Variants in SCARB2 observed in about 807,000 individuals in gnomAD.
SCARB2 encodes lysosome membrane protein 2.
SCARB2 carries 29 observed loss-of-function variants against 58.6 expected under a neutral mutation model. That is an observed-to-expected ratio of 0.49 (90% CI 0.37 to 0.67). The LOEUF (loss-of-function observed/expected upper bound fraction) is 0.67, where lower values mean the gene tolerates loss of function less well. SCARB2 is among the 30% of genes least tolerant of loss of function. SCARB2 has a pLI of 0.00. For missense variants in SCARB2, 488 were observed against 578.5 expected (o/e 0.84, Z 1.60); for synonymous variants, 195 against 210.1 (o/e 0.93, Z 0.62).
At chr4:76,199,545 G>A (rs930861910) in intron 1 of SCARB2, among the ~76,000 whole-genome samples, 3 of 152,180 alleles carry the variant, frequency 2.0e-5, no homozygotes, top group East Asian at 1.9e-4. Context: ...GGACTGAACC[G>A]AAATATCACA....
At chr4:76,187,601 A>C (rs998522936) in intron 2 of SCARB2, among the ~76,000 whole-genome samples, 3 of 152,208 alleles carry the variant, frequency 2.0e-5, no homozygotes, top group Non-Finnish European at 4.4e-5. Flanking sequence ...TAGGTGAATA[A>C]AAAATATGTA....
intron 1 of SCARB2, among the ~76,000 whole-genome samples, chr4:76,204,549 A>C (rs1732892248): frequency 6.6e-6 from 1 of 152,232 alleles, no homozygotes; most frequent in Non-Finnish European, 1.5e-5. Flanking sequence ...TTACAAATGT[A>C]CAGCCAAGTT....
chr4:76,232,692 T>G (rs900203682), intron 1 of SCARB2, among the ~76,000 whole-genome samples: 1 of 152,216 alleles, frequency 6.6e-6, no homozygotes, highest in Non-Finnish European at 1.5e-5. Context: ...CCTAGACATG[T>G]CAAATCATCT....
At chr4:76,219,110 C>T (rs868237973) in intron 1 of SCARB2, among the ~76,000 whole-genome samples, 1 of 152,058 alleles carries the variant, frequency 6.6e-6, no homozygotes, top group East Asian at 1.9e-4. Context: ...GACTTCTGGC[C>T]TCATGCTTAT....
intron 1 of SCARB2, among the ~76,000 whole-genome samples, chr4:76,224,684 T>C (rs1456888813): frequency 6.6e-6 from 1 of 152,214 alleles, no homozygotes; most frequent in East Asian, 1.9e-4. Flanking sequence ...CAGGTCAGTC[T>C]TCCAAGTAAC....
chr4:76,183,271 A>C (rs1374527125), intron 2 of SCARB2, among the ~76,000 whole-genome samples: 2 of 152,158 alleles, frequency 1.3e-5, no homozygotes, highest in Non-Finnish European at 2.9e-5. Context: ...AATTCAATTC[A>C]ATTCTGATAC....
At position 76,228,458 on chromosome 4, in the gene SCARB2, G is replaced by A. The variant is rs536478529; in HGVS notation, c.-358+5845C>T. Among the ~76,000 whole-genome samples, 363 of 150,968 alleles carry A rather than the reference G, an allele frequency of 2.4e-3. 2 individuals carry two copies. Among genetic ancestry groups the A allele is most frequent in the African/African-American group, 8.2e-3 (338 of 41,176 alleles). On this transcript the variant is annotated intron_variant, in intron 1 of 11. Coordinates refer to the SCARB2 transcript ENST00000638295. Reference sequence around the variant, plus strand: ...TGTGCCACTGCACTCCAGCCTGGGCGATGGAGTAAGCCTCCATCTTAAAAA... The same window carrying A: ...TGTGCCACTGCACTCCAGCCTGGGCAATGGAGTAAGCCTCCATCTTAAAAA...
chr4:76,225,960 T>A (rs1055049407), intron 1 of SCARB2, among the ~76,000 whole-genome samples: 25 of 152,308 alleles, frequency 1.6e-4, no homozygotes, highest in African/African-American at 5.5e-4. Flanking sequence ...TTCAGTGAAA[T>A]TGGTACCAAT....
chr4:76,213,329 T>C, intron 1 of SCARB2, 98 bp downstream of exon 1: 2 of 835,882 alleles, frequency 2.4e-6, no homozygotes, highest in East Asian at 2.6e-5. Context: ...GCGGAGGGTC[T>C]GCCTGAGTGC....
intron 1 of SCARB2, among the ~76,000 whole-genome samples, chr4:76,201,230 C>G (rs567623061): frequency 6.6e-6 from 1 of 152,308 alleles, no homozygotes; most frequent in East Asian, 1.9e-4. Flanking sequence ...TTCACTTCTA[C>G]TTGGGCTTCA....
chr4:76,201,785 T>C (rs17001639), intron 1 of SCARB2, among the ~76,000 whole-genome samples: 1,865 of 152,352 alleles, frequency 0.012, 42 homozygotes, highest in African/African-American at 0.042. Flanking sequence ...TAGTTCTAAG[T>C]CTGTTAGATC....
intron 10 of SCARB2, chr4:76,164,563 A>T (rs1403719186): frequency 1.3e-5 from 2 of 151,876 alleles, no homozygotes; most frequent in African/African-American, 4.8e-5. Flanking sequence ...TGAACCCAGG[A>T]GGCAGAGGTT....
chr4:76,210,115 C>T (rs1206611462), intron 1 of SCARB2, among the ~76,000 whole-genome samples: 4 of 152,298 alleles, frequency 2.6e-5, no homozygotes, highest in African/African-American at 9.6e-5. Flanking sequence ...AAAGACATAA[C>T]AACTGTTAAC....
intron 6 of SCARB2, chr4:76,175,535 G>A: frequency 6.1e-6 from 3 of 491,886 alleles, no homozygotes; most frequent in Non-Finnish European, 1.1e-5. Flanking sequence ...TAAGGAAAGT[G>A]AGGTACAGAG....
At chr4:76,181,234 A>T in intron 2 of SCARB2, 133 bp from the exon 3 acceptor site, 1 of 872,620 alleles carries the variant, frequency 1.1e-6, no homozygotes, top group Middle Eastern at 3.5e-4. Context: ...GACTGCAGCT[A>T]CTAAGCCTTA....
At chr4:76,226,889 A>T (rs1733407528) in intron 1 of SCARB2, among the ~76,000 whole-genome samples, 1 of 152,108 alleles carries the variant, frequency 6.6e-6, no homozygotes, top group South Asian at 2.1e-4. Context: ...TTCACTTCTA[A>T]TTGAGCTTTT....
chr4:76,218,801 G>A (rs1733259122), upstream of SCARB2, among the ~76,000 whole-genome samples: 1 of 152,146 alleles, frequency 6.6e-6, no homozygotes, highest in Non-Finnish European at 1.5e-5. Flanking sequence ...CGAGGAGTCA[G>A]GAGATCAAAG....
intron 1 of SCARB2, among the ~76,000 whole-genome samples, chr4:76,232,191 C>G (rs191505421): frequency 2.1e-4 from 32 of 152,196 alleles, no homozygotes; most frequent in African/African-American, 7.2e-4. Flanking sequence ...CTCTGAGAAA[C>G]AAAACAAGGA....
intron 4 of SCARB2, chr4:76,176,846 A>C: frequency 4.2e-6 from 1 of 238,882 alleles, no homozygotes; most frequent in Non-Finnish European, 8.0e-6. Flanking sequence ...CAGATTTCAA[A>C]CTCAAGACCA....
Sources: allele counts gnomAD v4.1 joint callset (sites outside exome capture counted in the v4.1 genomes callset), GRCh38; gene constraint gnomAD v4.1.1; transcripts MANE v1.5; gene names NCBI Gene and HGNC (gene_info 2026-07-23, HGNC 2026-07-21).